Variants in MIPOL1 observed in about 807,000 individuals in gnomAD.
MIPOL1 encodes the protein mirror-image polydactyly 1, also known as mirror-image polydactyly gene 1 protein.
In MIPOL1, 57 loss-of-function variants were observed where a neutral mutation model predicts 60.9. That is an observed-to-expected ratio of 0.94 (90% CI 0.76 to 1.17). MIPOL1 has a LOEUF of 1.17. MIPOL1 is among the 50% of genes most tolerant of loss of function. The probability of loss-of-function intolerance (pLI) is 0.00; values close to 1 mark genes in which losing one functional copy is unlikely to be tolerated. For synonymous variants in MIPOL1, 179 were observed against 168.8 expected, an observed-to-expected ratio of 1.06 and a Z score of -0.47; for missense variants, 551 against 511.6, an observed-to-expected ratio of 1.08 and a Z score of -0.74.
intron 12 of MIPOL1, among the ~76,000 whole-genome samples, chr14:37,520,926 CTTTTTTT>C (rs11299536): frequency 2.3e-4 from 11 of 47,732 alleles, no homozygotes; most frequent in Non-Finnish European, 3.7e-4. Flanking sequence ...TAACATTTTA[CTTTTTTT>C]TTTTTTTTTT....
chr14:37,248,035 A>G (rs920894047), intron 3 of MIPOL1, 128 bp downstream of exon 3: 3 of 796,590 alleles, frequency 3.8e-6, no homozygotes, highest in South Asian at 2.0e-5. Flanking sequence ...CACACACAAA[A>G]CATGCACACA....
intron 11 of MIPOL1, among the ~76,000 whole-genome samples, chr14:37,471,122 T>G (rs560364883): frequency 2.4e-3 from 365 of 152,280 alleles, no homozygotes; most frequent in Non-Finnish European, 4.3e-3. Context: ...TCTTTTGTAT[T>G]TAGTAACATC....
chr14:37,288,620 G>A (rs554888549), intron 7 of MIPOL1, among the ~76,000 whole-genome samples: 4 of 152,096 alleles, frequency 2.6e-5, no homozygotes, highest in Admixed American at 6.5e-5. Flanking sequence ...TGTGGGCAAC[G>A]TAGTGGGATC....
At chr14:37,483,365 C>T (rs1477334909) in intron 11 of MIPOL1, among the ~76,000 whole-genome samples, 2 of 151,834 alleles carry the variant, frequency 1.3e-5, no homozygotes, top group African/African-American at 2.4e-5. Context: ...TCGAACTGCC[C>T]TGGCCTCCCA....
In MIPOL1 at chr14:37,268,736, G is replaced by T. The variant is rs144389122; in HGVS notation, c.330G>T (p.Glu110Asp). 5.0e-6 allele frequency: 8 copies of T among 1,596,894 alleles called. No homozygotes were observed. Among genetic ancestry groups the T allele is most frequent in the Non-Finnish European group, 5.1e-6 (6 of 1,168,808 alleles). The change falls in exon 5 of 13, where the codon GAG becomes GAT. Residue 110 changes from glutamate (E) to aspartate (D), a missense_variant. By Grantham distance (45) the Glu-to-Asp change is conservative. Coordinates refer to ENST00000684589, the MANE Select transcript of MIPOL1 (RefSeq NM_001388067.1). Reference protein sequence around the residue: ...PCQVTSDSDKEKTIAFLLKEL... With the variant: ...PCQVTSDSDKDKTIAFLLKEL... ...AAGTTACTTCAGACTCAGATAAAGAGAAGACAATAGCATTTCTTCTAAAAG... is the reference window on the plus strand; with the variant it reads ...AAGTTACTTCAGACTCAGATAAAGATAAGACAATAGCATTTCTTCTAAAAG...
chr14:37,345,061 A>G (rs1595269188), intron 9 of MIPOL1, among the ~76,000 whole-genome samples: 2 of 151,316 alleles, frequency 1.3e-5, no homozygotes, highest in East Asian at 3.9e-4. Context: ...TAATTGGTTT[A>G]CCAATATCCT....
chr14:37,231,413 T>C (rs535073255), intron 1 of MIPOL1, among the ~76,000 whole-genome samples: 4 of 152,184 alleles, frequency 2.6e-5, no homozygotes, highest in Non-Finnish European at 5.9e-5. Context: ...CAGTTGAAAT[T>C]ATTTTAAATG....
intron 9 of MIPOL1, among the ~76,000 whole-genome samples, chr14:37,361,245 G>T (rs549925146): frequency 2.6e-5 from 4 of 152,156 alleles, no homozygotes; most frequent in Admixed American, 6.5e-5. Context: ...CAATTATGTC[G>T]TCAATTTTAG....
At chr14:37,544,621 G>T (rs2095540968) in intron 12 of MIPOL1, among the ~76,000 whole-genome samples, 1 of 152,194 alleles carries the variant, frequency 6.6e-6, no homozygotes, top group Non-Finnish European at 1.5e-5. Context: ...TGTTGGCACA[G>T]CCCATGTTTG....
At chr14:37,285,017 A>G (rs1305580840) in intron 6 of MIPOL1, among the ~76,000 whole-genome samples, 1 of 152,230 alleles carries the variant, frequency 6.6e-6, no homozygotes, top group Non-Finnish European at 1.5e-5. Flanking sequence ...AGATGGTTGT[A>G]GAAATATATC....
chr14:37,491,277 C>G (rs979754057), intron 11 of MIPOL1, among the ~76,000 whole-genome samples: 4 of 152,110 alleles, frequency 2.6e-5, no homozygotes, highest in African/African-American at 9.7e-5. Context: ...GCCTGTAATC[C>G]CAGCACTTTG....
chr14:37,425,397 T>C (rs185133996), intron 11 of MIPOL1, among the ~76,000 whole-genome samples: 17 of 152,262 alleles, frequency 1.1e-4, no homozygotes, highest in African/African-American at 4.1e-4. Context: ...TCTACATGAG[T>C]CTAGTAGGAT....
At chr14:37,316,824 A>G (rs536198014) in intron 9 of MIPOL1, among the ~76,000 whole-genome samples, 4 of 152,170 alleles carry the variant, frequency 2.6e-5, no homozygotes, top group African/African-American at 9.6e-5. Context: ...TAAAAAATAC[A>G]AAAATTAGCT....
chr14:37,280,653 A>C (rs943124772), intron 6 of MIPOL1, among the ~76,000 whole-genome samples: 1 of 151,658 alleles, frequency 6.6e-6, no homozygotes, highest in Admixed American at 6.6e-5. Context: ...GCCCATTTTT[A>C]TTTATTTTAT....
chr14:37,270,290 C>T (rs2153390162), intron 5 of MIPOL1, 130 bp from the exon 6 acceptor site: 1 of 424,008 alleles, frequency 2.4e-6, no homozygotes, highest in East Asian at 3.8e-5. Context: ...AAATTTTTTT[C>T]TGGAGTTATC....
At chr14:37,351,405 G>C (rs1466511265) in intron 9 of MIPOL1, among the ~76,000 whole-genome samples, 2 of 150,286 alleles carry the variant, frequency 1.3e-5, no homozygotes, top group Non-Finnish European at 3.0e-5. Flanking sequence ...ATGATTTATA[G>C]TCCTTTGGGT....
rs753058196 is a variant in MIPOL1, at chr14:37,369,578, A to G, written c.890A>G (p.Asn297Ser). ...VKEQNQTSAN[N>S]MRHLTAENNQ... Reference sequence around the variant, plus strand: ...GAGCAGAACCAGACTTCAGCAAACAACATGAGACATCTGACTGCTGAAAAC... The same window carrying G: ...GAGCAGAACCAGACTTCAGCAAACAGCATGAGACATCTGACTGCTGAAAAC... The change falls in exon 10 of 13, where the codon AAC (asparagine) becomes AGC (serine). Residue 297 changes from asparagine to serine, a missense_variant. Transcript: ENST00000684589. 3.1e-6 allele frequency: 5 copies of G among 1,613,372 alleles called. No homozygotes were observed. Among genetic ancestry groups the G allele is most frequent in the African/African-American group, 1.3e-5 (1 of 74,892 alleles).
chr14:37,473,330 T>A (rs1480137936), intron 11 of MIPOL1, among the ~76,000 whole-genome samples: 1 of 151,980 alleles, frequency 6.6e-6, no homozygotes, highest in African/African-American at 2.4e-5. Context: ...TTTGAACTTG[T>A]CCAGACATAA....
intron 1 of MIPOL1, among the ~76,000 whole-genome samples, chr14:37,236,520 T>C (rs1971510126): frequency 6.6e-6 from 1 of 151,950 alleles, no homozygotes; most frequent in Non-Finnish European, 1.5e-5. Context: ...CACTGCAGCC[T>C]CTGCCTCCCG....
Sources: allele counts gnomAD v4.1 joint callset (sites outside exome capture counted in the v4.1 genomes callset), GRCh38; gene constraint gnomAD v4.1.1; transcripts MANE v1.5; gene names NCBI Gene and HGNC (gene_info 2026-07-23, HGNC 2026-07-21).